The following N4BP2L2 variants were observed in gnomAD, a reference collection of about 807,000 sequenced individuals.
N4BP2L2 encodes NEDD4 binding protein 2 like 2, also known as NEDD4-binding protein 2-like 2.
A neutral mutation model predicts 56.2 loss-of-function variants in N4BP2L2; 50 were observed. That is an observed-to-expected ratio of 0.89 (90% CI 0.71 to 1.13). N4BP2L2 has a LOEUF of 1.13. Ranked by LOEUF, N4BP2L2 falls within the 50% of genes most tolerant of loss-of-function variation. N4BP2L2 has a pLI of 0.00. For synonymous variants in N4BP2L2, 203 were observed against 223.6 expected (o/e 0.91, Z 0.82); for missense variants, 689 against 693.8 (o/e 0.99, Z 0.08).
At chr13:32,468,934 G>A (rs1220293927) in intron 6 of N4BP2L2, among the ~76,000 whole-genome samples, 1 of 152,202 alleles carries the variant, frequency 6.6e-6, no homozygotes, top group African/African-American at 2.4e-5. Flanking sequence ...AGCTGTGTGT[G>A]GGAGTGGCAG....
intron 6 of N4BP2L2, among the ~76,000 whole-genome samples, chr13:32,450,562 G>A (rs1302596648): frequency 1.3e-5 from 2 of 151,914 alleles, no homozygotes; most frequent in African/African-American, 4.8e-5. Context: ...ATGACCTTGT[G>A]ATCTGCCCGC....
intron 2 of N4BP2L2, 102 bp downstream of exon 2, chr13:32,535,667 G>A: frequency 7.8e-7 from 1 of 1,287,048 alleles, no homozygotes; most frequent in Non-Finnish European, 1.1e-6. Context: ...GCCTCCCAAA[G>A]TGTTGGGATT....
At chr13:32,443,322 T>G (rs926340235) in exon 7 of N4BP2L2, 5 of 1,613,870 alleles carry the variant, frequency 3.1e-6, no homozygotes, top group African/African-American at 1.3e-5. Flanking sequence ...ACTTACATGC[T>G]CTATCTTTCT....
intron 6 of N4BP2L2, among the ~76,000 whole-genome samples, chr13:32,463,027 A>G (rs543173182): frequency 5.0e-4 from 76 of 152,148 alleles, no homozygotes; most frequent in Non-Finnish European, 8.5e-4. Flanking sequence ...TGTGTGACAG[A>G]GCAAGACTCT....
exon 6 of N4BP2L2, chr13:32,512,408 T>C (rs2139799175): frequency 6.6e-6 from 1 of 152,228 alleles, no homozygotes; most frequent in African/African-American, 2.4e-5. Flanking sequence ...TACAGAAAAA[T>C]CATCTATTTT....
At chr13:32,436,493 C>G (rs2075485216) in intron 8 of N4BP2L2, 3 of 544,100 alleles carry the variant, frequency 5.5e-6, no homozygotes, top group Admixed American at 3.8e-5. Context: ...TAGGGACACT[C>G]CTAAAATGAC....
At chr13:32,444,157 G>A in intron 6 of N4BP2L2, 3 of 1,425,762 alleles carry the variant, frequency 2.1e-6, no homozygotes, top group African/African-American at 2.8e-5. Context: ...GAAAATGTAT[G>A]ACTTAATTAC....
intron 6 of N4BP2L2, chr13:32,477,572 G>A: frequency 3.8e-6 from 1 of 265,984 alleles, no homozygotes; most frequent in Non-Finnish European, 7.5e-6. Flanking sequence ...ATGTCTTCCA[G>A]TGAACCTCAG....
At chr13:32,444,636 A>C (rs1364109391) in intron 6 of N4BP2L2, among the ~76,000 whole-genome samples, 1 of 152,268 alleles carries the variant, frequency 6.6e-6, no homozygotes, top group Non-Finnish European at 1.5e-5. Context: ...AAATGAGTAC[A>C]CTTTGAGAAA....
At chr13:32,508,856 T>C (rs745913858), downstream of N4BP2L2, 3 of 152,204 alleles carry the variant, frequency 2.0e-5, no homozygotes, top group Admixed American at 6.5e-5. Context: ...TGTTGAACCA[T>C]TTTAAGACTG....
At chr13:32,506,050 TCA>T (rs1442070367), downstream of N4BP2L2, 1 of 152,200 alleles carries the variant, frequency 6.6e-6, no homozygotes, top group Non-Finnish European at 1.5e-5. Flanking sequence ...TAGCAAAGTA[TCA>T]CAGATTGGGT....
chr13:32,464,772 A>G (rs2080908895), intron 6 of N4BP2L2, among the ~76,000 whole-genome samples: 1 of 152,218 alleles, frequency 6.6e-6, no homozygotes, highest in Non-Finnish European at 1.5e-5. Context: ...AACAGATAAA[A>G]TAACTAAATA....
chr13:32,536,432 G>C lies in N4BP2L2; in HGVS notation c.596C>G (p.Ser199Cys), dbSNP rs756378236. ...ATAAAATGGAACAAATTGTTCCTGA[G>C]AAGGTTCAGATTCTTTACAACTGTT... Residue 199 changes from serine (S) to cysteine (C), a missense_variant, in exon 2 of 6, where the codon TCT becomes TGT. Physicochemically the swap from Ser to Cys is moderately radical, Grantham distance 112. Transcript: ENST00000267068. 1.9e-6 allele frequency: 3 copies of C among 1,613,790 alleles called. No homozygotes were observed. The South Asian group carries it at 3.3e-5, about 18-fold the overall frequency.
At position 32,442,973 on chromosome 13, in the gene N4BP2L2, G is replaced by C. The variant is rs764202316; in HGVS notation, c.1519C>G (p.His507Asp). 1.9e-6 allele frequency: 3 copies of C among 1,613,558 alleles called. No homozygotes were observed. The South Asian group carries it at 3.3e-5, about 18-fold the overall frequency. The change falls in exon 7 of 10, where the codon CAT (histidine) becomes GAT (aspartate). Residue 507 changes from histidine to aspartate, a missense_variant. His to Asp is a moderately conservative substitution (Grantham distance 81). Transcript: ENST00000357505. ...TCTCCCAAAGTAATTTTTAGTCCAT[G>C]GTTTTTTGTTAACAGGTCACATTTC...
At chr13:32,486,462 G>C (rs1332804303) in intron 6 of N4BP2L2, among the ~76,000 whole-genome samples, 2 of 151,462 alleles carry the variant, frequency 1.3e-5, no homozygotes, top group Non-Finnish European at 2.9e-5. Flanking sequence ...GATCACCTGA[G>C]GTCGGGAGTT....
chr13:32,526,345 C>A (rs1307367859), intron 3 of N4BP2L2, among the ~76,000 whole-genome samples: 3 of 152,128 alleles, frequency 2.0e-5, no homozygotes, highest in Non-Finnish European at 2.9e-5. Context: ...AGAGGAGATT[C>A]AATTACACAC....
chr13:32,472,753 C>T (rs569497386), intron 6 of N4BP2L2, among the ~76,000 whole-genome samples: 1 of 152,298 alleles, frequency 6.6e-6, no homozygotes, highest in African/African-American at 2.4e-5. Flanking sequence ...CACTCTTAGC[C>T]AGCACTTTCA....
At chr13:32,445,887 G>T (rs191571735) in intron 6 of N4BP2L2, among the ~76,000 whole-genome samples, 8 of 152,152 alleles carry the variant, frequency 5.3e-5, no homozygotes, top group South Asian at 4.1e-4. Context: ...AGAATATAAA[G>T]ATCTAGTTAT....
chr13:32,435,918 T>C (rs1320718576), intron 9 of N4BP2L2, among the ~76,000 whole-genome samples: 1 of 152,224 alleles, frequency 6.6e-6, no homozygotes, highest in Non-Finnish European at 1.5e-5. Context: ...ATGCAATGTG[T>C]TTATTTTAAT....
Sources: gnomAD v4.1 joint callset for allele counts (sites outside exome capture counted in the v4.1 genomes callset) on GRCh38, gnomAD v4.1.1 for gene constraint, MANE v1.5 for transcripts, NCBI Gene and HGNC (gene_info 2026-07-23, HGNC 2026-07-21) for gene names.